TJP2: variants seen among roughly 807,000 people sequenced by gnomAD.
The protein encoded by TJP2 is tight junction protein 2, also known as Friedreich ataxia region gene X104 (tight junction protein ZO-2).
TJP2 carries 91 observed loss-of-function variants against 133.1 expected under a neutral mutation model. The ratio of observed to expected loss-of-function variants is 0.68; its 90% CI spans 0.58 to 0.81. The LOEUF is 0.81. Among genes scored for constraint, TJP2 ranks in the 40% least tolerant of loss-of-function variants. The pLI is 0.00. For synonymous variants in TJP2, 592 were observed against 583.4 expected, an observed-to-expected ratio of 1.01 and a Z score of -0.21; for missense variants, 1,541 against 1,565.6, an observed-to-expected ratio of 0.98 and a Z score of 0.26.
chr9:69,165,329 G>A (rs977895154), intron 2 of TJP2, among the ~76,000 whole-genome samples: 1 of 151,910 alleles, frequency 6.6e-6, no homozygotes, highest in Non-Finnish European at 1.5e-5. Context: ...GTAGAGACAG[G>A]GTCTTCCTAT....
intron 1 of TJP2, chr9:69,205,204 G>T (rs73450853): frequency 6.5e-7 from 1 of 1,537,306 alleles, no homozygotes; most frequent in East Asian, 2.4e-5. Flanking sequence ...GATCCAGGCT[G>T]TTAAAAAGTT....
intron 12 of TJP2, among the ~76,000 whole-genome samples, chr9:69,234,783 T>A (rs1830060487): frequency 6.6e-6 from 1 of 152,210 alleles, no homozygotes; most frequent in Non-Finnish European, 1.5e-5. Flanking sequence ...CAATTTGGAA[T>A]AAAACTGCCT....
intron 17 of TJP2, among the ~76,000 whole-genome samples, chr9:69,242,948 C>G (rs1271157660): frequency 6.6e-6 from 1 of 152,214 alleles, no homozygotes; most frequent in African/African-American, 2.4e-5. Flanking sequence ...ACTGCAACCT[C>G]TGCTTCCTGG....
chr9:69,199,955 A>G (rs1211663009), intron 1 of TJP2, among the ~76,000 whole-genome samples: 1 of 152,112 alleles, frequency 6.6e-6, no homozygotes, highest in Admixed American at 6.6e-5. Context: ...GAAAAATTGT[A>G]TATTTAGTAC....
intron 1 of TJP2, among the ~76,000 whole-genome samples, chr9:69,175,428 A>G (rs1196415350): frequency 6.6e-6 from 1 of 152,212 alleles, no homozygotes; most frequent in African/African-American, 2.4e-5. Context: ...AAACAGGTCC[A>G]CCTTTGCCAG....
At chr9:69,195,685 C>T (rs973613502) in intron 1 of TJP2, among the ~76,000 whole-genome samples, 1 of 152,150 alleles carries the variant, frequency 6.6e-6, no homozygotes, top group African/African-American at 2.4e-5. Flanking sequence ...TTCAGGCCCC[C>T]CCTTTTCCAT....
Position 69,167,455 on chromosome 9 carries a change from C to T in TJP2, c.-10+15684C>T, listed in dbSNP as rs112774477. The stretch of plus-strand genomic sequence containing the variant: ...GATGCTTTATAATGAGCACCTTATT[C>T]TTGCAAAACTCAGTGGTCTAAAAAA... On this transcript the variant is annotated intron_variant, in intron 2 of 5. Coordinates refer to the TJP2 transcript ENST00000423935. Among the ~76,000 whole-genome samples, 166 of 152,270 alleles carry T rather than the reference C, an allele frequency of 1.1e-3. 1 individual carries two copies. Among genetic ancestry groups the T allele is most frequent in the African/African-American group, 3.9e-3 (163 of 41,568 alleles).
intron 1 of TJP2, among the ~76,000 whole-genome samples, chr9:69,177,731 G>T (rs545416606): frequency 3.6e-4 from 54 of 151,822 alleles, no homozygotes; most frequent in African/African-American, 1.3e-3. Context: ...TGCAACCTCT[G>T]CCTCCCGGGT....
intron 2 of TJP2, among the ~76,000 whole-genome samples, chr9:69,161,044 C>G (rs1427083446): frequency 6.6e-6 from 1 of 152,178 alleles, no homozygotes; most frequent in African/African-American, 2.4e-5. Flanking sequence ...ACTTCTGGAA[C>G]CCTATGCTTG....
chr9:69,212,676 C>T, intron 2 of TJP2, 75 bp downstream of exon 2: 1 of 1,328,380 alleles, frequency 7.5e-7, no homozygotes, highest in Non-Finnish European at 1.1e-6. Flanking sequence ...TTTATTTTCA[C>T]CTACACACAG....
intron 1 of TJP2, among the ~76,000 whole-genome samples, chr9:69,143,171 T>C (rs1823078235): frequency 6.6e-6 from 1 of 152,258 alleles, no homozygotes; most frequent in South Asian, 2.1e-4. Context: ...ATTTTAATTT[T>C]ATGTGAAATC....
chr9:69,237,857 T>A, intron 14 of TJP2, 21 bp from the exon 15 acceptor site: 1 of 1,570,092 alleles, frequency 6.4e-7, no homozygotes, highest in Admixed American at 1.7e-5. Flanking sequence ...TATGCTTTAA[T>A]GGCCTTTCTT....
At chr9:69,135,329 G>A (rs1371350180) in intron 1 of TJP2, among the ~76,000 whole-genome samples, 3 of 152,024 alleles carry the variant, frequency 2.0e-5, no homozygotes, top group Non-Finnish European at 2.9e-5. Context: ...TATTATCCCC[G>A]GTTTACAGAT....
rs185085046 is a variant in TJP2 at position 69,139,148 on chromosome 9, C to T, written c.-130-12503C>T. ...GGGAGAATCGCTTGAACCCTGGAGG[C>T]GGAGGTTGCAGTGAGCTGAGATTGA... On this transcript the variant is annotated intron_variant, in intron 1 of 5. Transcript: ENST00000423935. Among the ~76,000 whole-genome samples the T allele has an allele frequency of 5.9e-5, 9 of 152,056 alleles. No homozygotes were observed. In the East Asian group the frequency reaches 7.7e-4, roughly 13 times the overall value.
intron 1 of TJP2, among the ~76,000 whole-genome samples, chr9:69,146,470 C>T (rs915420033): frequency 6.6e-6 from 1 of 152,208 alleles, no homozygotes; most frequent in East Asian, 1.9e-4. Context: ...ATGAGTCACA[C>T]AGTAGCATGT....
At position 69,249,468 on chromosome 9, in the gene TJP2, A is replaced by G. The variant is rs1380480990; in HGVS notation, c.2974A>G (p.Lys992Glu). The change falls in exon 20 of 23, where the codon AAG (lysine) becomes GAG (glutamate). Residue 992 changes from lysine to glutamate, a missense_variant. Transcript: ENST00000377245. ...LRDNSPPPAF[K>E]PEPPKAKTQN... ...GGACAATAGCCCGCCCCCAGCATTC[A>G]AGCCAGAGCCGCCCAAGGTACGTGG... The G allele has an allele frequency of 6.2e-7, 1 of 1,607,574 alleles. No homozygotes were observed.
chr9:69,228,238 A>G, intron 9 of TJP2, 124 bp downstream of exon 9: 1 of 1,211,828 alleles, frequency 8.3e-7, no homozygotes. Context: ...CCATTATCCT[A>G]AGCTAATTAA....
rs531625476 is a variant in TJP2 at position 69,236,230 on chromosome 9, C to G, written c.1983C>G (p.Asn661Lys). The change falls in exon 13 of 23, where the codon AAC (asparagine) becomes AAG (lysine). Residue 661 changes from asparagine (N) to lysine (K), a missense_variant. Physicochemically the swap from Asn to Lys is moderately conservative, Grantham distance 94. Coordinates refer to ENST00000377245, the MANE Select transcript of TJP2 (RefSeq NM_004817.4). ...GNELEKGLIPNKSRAEQMASV... is the reference protein window; with the variant it reads ...GNELEKGLIPKKSRAEQMASV... ...AGTTGGAGAAAGGCTTAATCCCCAA[C>G]AAGAGCAGGTAACAGAGATCGCATT... is the stretch of plus-strand genomic sequence containing the variant. 6.2e-7 allele frequency: 1 copy of G among 1,614,008 alleles called. No individual in the cohort carries two copies. Among genetic ancestry groups the G allele is most frequent in the Non-Finnish European group, 8.5e-7 (1 of 1,180,038 alleles).
At chr9:69,250,849 A>C (rs986922617) in intron 20 of TJP2, among the ~76,000 whole-genome samples, 186 bp from the exon 21 acceptor site, 4 of 152,168 alleles carry the variant, frequency 2.6e-5, no homozygotes, top group Non-Finnish European at 5.9e-5. Flanking sequence ...TAGTATAGGA[A>C]GGGAGGTAGG....
Sources: allele counts gnomAD v4.1 joint callset (sites outside exome capture counted in the v4.1 genomes callset), GRCh38; gene constraint gnomAD v4.1.1; transcripts MANE v1.5; gene names NCBI Gene and HGNC (gene_info 2026-07-23, HGNC 2026-07-21).